Variants in KAZN observed in about 807,000 individuals in gnomAD.
The protein encoded by KAZN is kazrin.
In KAZN, 40 loss-of-function variants were observed where a neutral mutation model predicts 87.4. The observed-to-expected ratio is 0.46, with a 90% confidence interval of 0.36 to 0.60. The LOEUF is 0.60. Among genes scored for constraint, KAZN ranks in the 20% least tolerant of loss-of-function variants. The probability of loss-of-function intolerance (pLI) is 0.00; values close to 1 mark genes in which losing one functional copy is unlikely to be tolerated. For missense variants in KAZN, 898 were observed against 1,073.9 expected, an observed-to-expected ratio of 0.84 and a Z score of 2.29; for synonymous variants, 466 against 458.3, an observed-to-expected ratio of 1.02 and a Z score of -0.22.
chr1:14,337,226 A>C (rs534403863), intron 2 of KAZN, among the ~76,000 whole-genome samples: 1 of 152,234 alleles, frequency 6.6e-6, no homozygotes, highest in Admixed American at 6.5e-5. Flanking sequence ...AGAAGAATAA[A>C]TATGGTGCAG....
At chr1:14,365,338 C>CGCCCCG (rs1257319500) in intron 2 of KAZN, among the ~76,000 whole-genome samples, 1 of 144,296 alleles carries the variant, frequency 6.9e-6, no homozygotes, top group African/African-American at 2.6e-5. Context: ...TGAGCCACCG[C>CGCCCCG]GCCCCGGCGC....
intron 1 of KAZN, among the ~76,000 whole-genome samples, chr1:14,741,603 AT>A (rs1211504385): frequency 6.6e-6 from 1 of 152,076 alleles, no homozygotes; most frequent in East Asian, 1.9e-4. Context: ...GTATCTTTTT[AT>A]TTTTCTCTTA....
chr1:14,215,519 T>C (rs551758018), intron 2 of KAZN, among the ~76,000 whole-genome samples: 6 of 152,314 alleles, frequency 3.9e-5, no homozygotes, highest in African/African-American at 1.4e-4. Context: ...AGCTGGGTAG[T>C]ATTAGAGGGA....
chr1:14,541,304 G>T (rs955759251), intron 2 of KAZN, among the ~76,000 whole-genome samples: 1 of 152,202 alleles, frequency 6.6e-6, no homozygotes, highest in African/African-American at 2.4e-5. Context: ...TAATTTATGG[G>T]ACAGACCAAT....
chr1:14,932,873 G>T (rs1660008142), intron 1 of KAZN, among the ~76,000 whole-genome samples: 1 of 151,914 alleles, frequency 6.6e-6, no homozygotes, highest in Non-Finnish European at 1.5e-5. Flanking sequence ...CAATTTAGTG[G>T]CATTAAGCGC....
At chr1:14,022,273 T>C (rs1640864157) in intron 1 of KAZN, among the ~76,000 whole-genome samples, 1 of 152,092 alleles carries the variant, frequency 6.6e-6, no homozygotes, top group African/African-American at 2.4e-5. Flanking sequence ...TGTTTATATC[T>C]AATCTGAGTG....
At chr1:14,788,598 A>G (rs990495328) in intron 1 of KAZN, among the ~76,000 whole-genome samples, 1 of 152,062 alleles carries the variant, frequency 6.6e-6, no homozygotes, top group Non-Finnish European at 1.5e-5. Context: ...TGAATAAAAG[A>G]TGCATTGAGA....
intron 1 of KAZN, among the ~76,000 whole-genome samples, chr1:14,836,598 T>C (rs902705775): frequency 6.6e-6 from 1 of 152,086 alleles, no homozygotes; most frequent in Non-Finnish European, 1.5e-5. Flanking sequence ...TTTGGTCTCT[T>C]CCTCTCTTGA....
At chr1:14,671,545 G>A (rs564823340) in intron 1 of KAZN, among the ~76,000 whole-genome samples, 9 of 152,190 alleles carry the variant, frequency 5.9e-5, no homozygotes, top group South Asian at 2.1e-4. Flanking sequence ...TCTGTTCTTC[G>A]TCAAGGCTAT....
chr1:15,064,280 C>T (rs745831372), intron 7 of KAZN, among the ~76,000 whole-genome samples: 5 of 152,168 alleles, frequency 3.3e-5, no homozygotes, highest in East Asian at 1.9e-4. Context: ...ACCACCCATT[C>T]GCAACGGAGA....
chr1:14,748,408 C>G (rs1476879628), intron 1 of KAZN, among the ~76,000 whole-genome samples: 1 of 152,116 alleles, frequency 6.6e-6, no homozygotes, highest in African/African-American at 2.4e-5. Flanking sequence ...TTAAGCCACT[C>G]ACTAGTTTTG....
chr1:14,740,834 CT>C (rs1213563448), intron 1 of KAZN, among the ~76,000 whole-genome samples: 2 of 152,190 alleles, frequency 1.3e-5, no homozygotes, highest in African/African-American at 4.8e-5. Context: ...CTTTGCTGGG[CT>C]TTGGGGATTC....
intron 2 of KAZN, among the ~76,000 whole-genome samples, chr1:14,266,568 T>G (rs913407133): frequency 3.3e-5 from 5 of 152,224 alleles, no homozygotes; most frequent in African/African-American, 1.2e-4. Context: ...TACGCACACT[T>G]AAGAAAGCTT....
chr1:13,938,196 G>A (rs1387435767), intron 1 of KAZN, among the ~76,000 whole-genome samples: 1 of 152,136 alleles, frequency 6.6e-6, no homozygotes, highest in Non-Finnish European at 1.5e-5. Context: ...TGTCACCTAT[G>A]ATGTCTTTCA....
intron 2 of KAZN, among the ~76,000 whole-genome samples, chr1:14,388,482 A>G (rs1275914111): frequency 6.6e-6 from 1 of 152,236 alleles, no homozygotes; most frequent in African/African-American, 2.4e-5. Context: ...TAGCCAAAAC[A>G]GTACAGTACT....
chr1:14,549,129 A>G (rs1004405847), intron 2 of KAZN, among the ~76,000 whole-genome samples: 1 of 152,186 alleles, frequency 6.6e-6, no homozygotes, highest in African/African-American at 2.4e-5. Context: ...ATTAATTCTA[A>G]TAATTTTTCG....
intron 1 of KAZN, among the ~76,000 whole-genome samples, chr1:14,845,563 A>G (rs867041795): frequency 6.4e-5 from 8 of 124,274 alleles, no homozygotes; most frequent in South Asian, 2.4e-4. Context: ...GGGTGGGTGG[A>G]TGGATGGATG....
At chr1:13,935,752 G>A (rs1353870024) in intron 1 of KAZN, among the ~76,000 whole-genome samples, 6 of 152,038 alleles carry the variant, frequency 3.9e-5, no homozygotes, top group Admixed American at 3.9e-4. Context: ...TTCATAGTTT[G>A]GTTTGAATTT....
intron 1 of KAZN, among the ~76,000 whole-genome samples, chr1:14,180,083 A>G (rs1349571949): frequency 2.0e-5 from 3 of 152,132 alleles, no homozygotes; most frequent in Non-Finnish European, 4.4e-5. Context: ...TGCAGTTTAT[A>G]AACACTTACC....
Sources: gnomAD v4.1 joint callset for allele counts (sites outside exome capture counted in the v4.1 genomes callset) on GRCh38, gnomAD v4.1.1 for gene constraint, MANE v1.5 for transcripts, NCBI Gene and HGNC (gene_info 2026-07-23, HGNC 2026-07-21) for gene names.